The following MYO3A variants were observed in gnomAD, a reference collection of about 807,000 sequenced individuals.
MYO3A encodes myosin-IIIa.
A neutral mutation model predicts 192.7 loss-of-function variants in MYO3A; 180 were observed. The observed-to-expected ratio is 0.93, with a 90% confidence interval of 0.83 to 1.06. The LOEUF (loss-of-function observed/expected upper bound fraction) is 1.06, where lower values mean the gene tolerates loss of function less well. MYO3A is among the 50% of genes least tolerant of loss of function. The pLI, the probability that MYO3A is intolerant of heterozygous loss-of-function variation, is 0.00. For synonymous variants in MYO3A, 628 were observed against 645.3 expected, an observed-to-expected ratio of 0.97 and a Z score of 0.41; for missense variants, 1,896 against 1,905.0, an observed-to-expected ratio of 1.00 and a Z score of 0.09.
chr10:26,153,412 G>A (rs1216489187), intron 23 of MYO3A, among the ~76,000 whole-genome samples: 1 of 152,168 alleles, frequency 6.6e-6, no homozygotes, highest in Non-Finnish European at 1.5e-5. Context: ...ATTGAAAAAG[G>A]CCATTGCCTC....
At chr10:25,952,026 C>A in intron 2 of MYO3A, 68 bp from the exon 3 acceptor site, 1 of 1,195,010 alleles carries the variant, frequency 8.4e-7, no homozygotes. Context: ...GCTAATTTCC[C>A]ATGGGTTTGT....
At position 26,193,268 on chromosome 10, in the gene MYO3A, C is replaced by G; in HGVS notation, c.4502C>G (p.Thr1501Arg). ...RPPRRPRKPK[T>R]LNNPEDSTYY... Reference sequence around the variant, plus strand: ...CCAAGACGACCCCGGAAACCCAAAACATTAAATAACCCTGAAGACTCCACA... The same window carrying G: ...CCAAGACGACCCCGGAAACCCAAAAGATTAAATAACCCTGAAGACTCCACA... The change falls in exon 32 of 35, where the codon ACA becomes AGA. Residue 1501 changes from threonine to arginine, a missense_variant. By Grantham distance (71) the Thr-to-Arg change is moderately conservative (BLOSUM62 -1). Transcript: ENST00000642920. The G allele has an allele frequency of 6.2e-7, 1 of 1,613,956 alleles. No individual in the cohort carries two copies. The highest frequency in any genetic ancestry group is 8.5e-7 in the Non-Finnish European group (1 of 1,179,952).
chr10:26,202,535 A>T (rs974489356), intron 33 of MYO3A, among the ~76,000 whole-genome samples: 1 of 152,238 alleles, frequency 6.6e-6, no homozygotes, highest in African/African-American at 2.4e-5. Context: ...GTAAGTTAAG[A>T]TCATATGTGT....
chr10:26,062,088 G>A lies in MYO3A; in HGVS notation c.954-4887G>A, dbSNP rs145181925. The stretch of plus-strand genomic sequence containing the variant: ...CTTAGTCATTCAACTAAAGTTTATC[G>A]AGAAACTACACTATTCTAAACAATC... On this transcript the variant is annotated intron_variant, in intron 10 of 34. Transcript: ENST00000642920. 5.2e-4 allele frequency among the ~76,000 whole-genome samples: 79 copies of A among 152,204 alleles called. No individual in the cohort carries two copies. In the East Asian group the frequency reaches 0.015, roughly 28 times the overall value.
chr10:26,053,074 A>G (rs983011588), intron 10 of MYO3A, among the ~76,000 whole-genome samples: 27 of 152,214 alleles, frequency 1.8e-4, no homozygotes, highest in Non-Finnish European at 4.4e-5. Flanking sequence ...GAAAACATTG[A>G]AAAAAGTAAC....
At chr10:25,981,739 A>G (rs1400326057) in intron 4 of MYO3A, among the ~76,000 whole-genome samples, 6 of 152,218 alleles carry the variant, frequency 3.9e-5, no homozygotes, top group Non-Finnish European at 5.9e-5. Flanking sequence ...TACTAGTACT[A>G]TTTAGAATGG....
intron 10 of MYO3A, among the ~76,000 whole-genome samples, chr10:26,066,577 A>T (rs1031333926): frequency 2.4e-4 from 36 of 152,344 alleles, no homozygotes; most frequent in African/African-American, 8.7e-4. Flanking sequence ...GCTGAATAGT[A>T]ATTAAAAATG....
In MYO3A at chr10:26,116,738, G is replaced by A. The variant is rs574452305; in HGVS notation, c.1777-3938G>A. 8.5e-5 allele frequency among the ~76,000 whole-genome samples: 13 copies of A among 152,244 alleles called. No individual in the cohort carries two copies. In the Middle Eastern group the frequency reaches 0.01, roughly 120 times the overall value. ...TCTGGGACAAGGTTTCTCAACCTCA[G>A]TACTATTTACATTTGGAGTGAGATA... On this transcript the variant is annotated intron_variant, in intron 17 of 34. Transcript: ENST00000642920.
chr10:25,998,889 T>TTTTTG (rs573944449), intron 6 of MYO3A, among the ~76,000 whole-genome samples: 12 of 152,088 alleles, frequency 7.9e-5, no homozygotes, highest in African/African-American at 1.9e-4. Context: ...CTTTTATATA[T>TTTTTG]TTTTGTTTTG....
chr10:26,193,213 A>G lies in MYO3A; in HGVS notation c.4447A>G (p.Lys1483Glu). Residue 1483 changes from lysine to glutamate, a missense_variant, in exon 32 of 35, where the codon AAA becomes GAA. Physicochemically the swap from Lys to Glu is moderately conservative, Grantham distance 56. Coordinates refer to ENST00000642920, the MANE Select transcript of MYO3A (RefSeq NM_017433.5). Reference protein sequence around the residue: ...SSQQCLSGVCKGEEPKILRPP... With the variant: ...SSQQCLSGVCEGEEPKILRPP... ...GATCACCTTTCTTATAGGTGTCTGT[A>G]AAGGAGAGGAGCCAAAAATATTGAG... 6.2e-7 allele frequency: 1 copy of G among 1,612,146 alleles called. No homozygotes were observed. The highest frequency in any genetic ancestry group is 8.5e-7 in the Non-Finnish European group (1 of 1,178,238).
chr10:26,168,663 C>T (rs1841885151), intron 27 of MYO3A, 49 bp from the exon 28 acceptor site: 2 of 1,560,162 alleles, frequency 1.3e-6, no homozygotes, highest in Non-Finnish European at 1.8e-6. Context: ...CACATAACTG[C>T]TTCACATCTG....
intron 34 of MYO3A, among the ~76,000 whole-genome samples, chr10:26,208,336 G>T (rs575021767): frequency 6.6e-6 from 1 of 152,212 alleles, no homozygotes; most frequent in East Asian, 1.9e-4. Context: ...AGAGACAGGA[G>T]AATTGTGAAA....
Position 25,952,298 on chromosome 10 carries a change from T to C in MYO3A, c.168+20T>C. ...ATTCACGTAAGTCATATTTTTTCCT[T>C]CTAATTAGCTTTATTTTTATCTGTA... On this transcript the variant is annotated intron_variant, in intron 3 of 34. Coordinates refer to ENST00000642920, the MANE Select transcript of MYO3A (RefSeq NM_017433.5). 1.0e-5 allele frequency: 16 copies of C among 1,605,832 alleles called. No homozygotes were observed. The highest frequency in any genetic ancestry group is 1.4e-5 in the Non-Finnish European group (16 of 1,173,932).
At chr10:26,024,226 T>C in intron 9 of MYO3A, 139 bp downstream of exon 9, 3 of 810,092 alleles carry the variant, frequency 3.7e-6, no homozygotes, top group Non-Finnish European at 5.9e-6. Flanking sequence ...TAGTGTCTTT[T>C]AAATGTTGGG....
At chr10:26,011,993 C>G (rs1469888669) in intron 6 of MYO3A, among the ~76,000 whole-genome samples, 2 of 152,044 alleles carry the variant, frequency 1.3e-5, no homozygotes, top group African/African-American at 4.8e-5. Flanking sequence ...AATTAAAACC[C>G]AAAACCATAT....
At position 26,147,369 on chromosome 10, in the gene MYO3A, TGAG is replaced by T. The variant is rs35241240; in HGVS notation, c.2506-49_2506-47del. The T allele has an allele frequency of 0.1, 152,098 of 1,480,378 alleles. 8,864 individuals carry two copies. The highest frequency in any genetic ancestry group is 0.12 in the Non-Finnish European group (124,115 of 1,061,574). 91.7% of individuals were successfully genotyped at this position (1,480,378 alleles called of 1,614,324 possible). ...TATCTGTTGTTGATGATGATGATGG[TGAG>T]GAGGAGGAGGATGACAATGACATTG... On this transcript the variant is annotated intron_variant, in intron 22 of 34. Transcript: ENST00000642920.
At chr10:25,939,178 C>A (rs1372534168) in intron 2 of MYO3A, among the ~76,000 whole-genome samples, 1 of 151,854 alleles carries the variant, frequency 6.6e-6, no homozygotes, top group Non-Finnish European at 1.5e-5. Flanking sequence ...ATAAAATTAT[C>A]TTTTTAGTCT....
chr10:26,061,921 G>T (rs919401279), intron 10 of MYO3A, among the ~76,000 whole-genome samples: 2 of 152,108 alleles, frequency 1.3e-5, no homozygotes, highest in African/African-American at 4.8e-5. Context: ...GTCTTAAAAA[G>T]AATATATCAA....
At chr10:26,026,015 G>T (rs1842522616) in intron 9 of MYO3A, among the ~76,000 whole-genome samples, 1 of 152,168 alleles carries the variant, frequency 6.6e-6, no homozygotes. Flanking sequence ...GAACTATAAT[G>T]ACTTCATTGT....
Sources: allele counts gnomAD v4.1 joint callset (sites outside exome capture counted in the v4.1 genomes callset), GRCh38; gene constraint gnomAD v4.1.1; transcripts MANE v1.5; gene names NCBI Gene and HGNC (gene_info 2026-07-23, HGNC 2026-07-21).